Variants in FKBP5 observed in about 807,000 individuals in gnomAD.
The protein encoded by FKBP5 is peptidyl-prolyl cis-trans isomerase FKBP5.
FKBP5 carries 23 observed loss-of-function variants against 50.5 expected under a neutral mutation model. The observed-to-expected ratio is 0.46, with a 90% CI of 0.33 to 0.65. FKBP5 has a LOEUF of 0.65. FKBP5 is among the 30% of genes least tolerant of loss of function. The probability of loss-of-function intolerance (pLI) is 0.02; values close to 1 mark genes in which losing one functional copy is unlikely to be tolerated. For synonymous variants in FKBP5, 176 were observed against 190.6 expected, an observed-to-expected ratio of 0.92 and a Z score of 0.63; for missense variants, 411 against 553.1, an observed-to-expected ratio of 0.74 and a Z score of 2.58.
At chr6:35,657,640 T>C (rs1285628348) in intron 1 of FKBP5, among the ~76,000 whole-genome samples, 1 of 152,156 alleles carries the variant, frequency 6.6e-6, no homozygotes, top group African/African-American at 2.4e-5. Context: ...TTCTGCCCTA[T>C]AAGGTAACAT....
At chr6:35,725,060 A>G (rs533873187) in intron 1 of FKBP5, among the ~76,000 whole-genome samples, 66 of 152,322 alleles carry the variant, frequency 4.3e-4, no homozygotes, top group Middle Eastern at 6.8e-3. Flanking sequence ...CAATGTGAAT[A>G]ATAATATCCC....
chr6:35,683,115 C>CGTGTGT (rs1191313976), intron 1 of FKBP5, among the ~76,000 whole-genome samples: 3 of 56,196 alleles, frequency 5.3e-5, no homozygotes, highest in Non-Finnish European at 1.2e-4. Flanking sequence ...TATATATATA[C>CGTGTGT]GTATATGTGT....
chr6:35,598,983 TA>T (rs1561850994), intron 5 of FKBP5, among the ~76,000 whole-genome samples: 2 of 151,484 alleles, frequency 1.3e-5, no homozygotes, highest in African/African-American at 4.9e-5. Context: ...TCAAAATAAA[TA>T]AAAAAATAAA....
At chr6:35,653,758 CA>C (rs1415882283) in intron 1 of FKBP5, among the ~76,000 whole-genome samples, 1 of 151,644 alleles carries the variant, frequency 6.6e-6, no homozygotes, top group Non-Finnish European at 1.5e-5. Context: ...TGACAGAAGC[CA>C]AAATAAAAGA....
At chr6:35,640,950 C>T (rs1193377056) in intron 2 of FKBP5, among the ~76,000 whole-genome samples, 1 of 152,020 alleles carries the variant, frequency 6.6e-6, no homozygotes, top group Non-Finnish European at 1.5e-5. Flanking sequence ...TCTTGAATAC[C>T]TCCTGAGGGA....
intron 7 of FKBP5, among the ~76,000 whole-genome samples, chr6:35,589,094 A>T (rs1301087790): frequency 1.7e-5 from 2 of 115,442 alleles, no homozygotes; most frequent in African/African-American, 8.5e-5. Flanking sequence ...ATATATTTTT[A>T]TATATATATA....
chr6:35,651,867 G>C lies in FKBP5; in HGVS notation c.-19-9024C>G. On this transcript the variant is annotated intron_variant, in intron 1 of 10. Coordinates refer to ENST00000357266, the MANE Select transcript of FKBP5 (RefSeq NM_004117.4). ...ACTTGTGGACAAAGACTTATGGTTA[G>C]GTGCAAAAAATAAATCCTCTTTTGC... is the stretch of plus-strand genomic sequence containing the variant. The C allele has an allele frequency of 7.3e-6, 8 of 1,097,492 alleles. No individual in the cohort carries two copies. The South Asian group carries it at 1.2e-4, about 17-fold the overall frequency. The allele number at this position is 1,097,492 out of a possible 1,614,324, so 68.0% of individuals were successfully genotyped here.
At chr6:35,709,086 G>C (rs1251543591) in intron 2 of FKBP5, among the ~76,000 whole-genome samples, 1 of 152,186 alleles carries the variant, frequency 6.6e-6, no homozygotes. Flanking sequence ...GACTGGGCAA[G>C]TTACTAAAGA....
At chr6:35,587,667 T>C (rs1432992618) in intron 7 of FKBP5, among the ~76,000 whole-genome samples, 1 of 152,234 alleles carries the variant, frequency 6.6e-6, no homozygotes, top group Non-Finnish European at 1.5e-5. Flanking sequence ...TGGGGGGGAC[T>C]TCAAGCAAAA....
rs901757776 is a variant in FKBP5, at chr6:35,574,747, A to AT, written c.*1087dup. The AT allele has an allele frequency of 6.6e-6, 1 of 152,566 alleles. No homozygotes were observed. Among genetic ancestry groups the AT allele is most frequent in the African/African-American group, 2.4e-5 (1 of 41,436 alleles). The allele number at this position is 152,566 out of a possible 1,614,324, so 9.5% of individuals were successfully genotyped here. A position where few individuals can be genotyped will look rare whatever the true frequency, so the allele number is the denominator to read the frequency against. On this transcript the variant is annotated 3_prime_UTR_variant, in exon 11 of 11. Coordinates refer to ENST00000357266, the MANE Select transcript of FKBP5 (RefSeq NM_004117.4). ...TTAAGCTTAGTACTAAAAAGTCAAA[A>AT]TTTTTTTGCATGATAGAGGAGTGTA...
In FKBP5 at chr6:35,688,796, G is replaced by C. The variant is rs1765916056; in HGVS notation, c.-20+8C>G. On this transcript the variant is annotated splice_region_variant and intron_variant, in intron 1 of 10. Transcript: ENST00000357266. ...GCCGCCCCATCTCCGTGGCCATGGC[G>C]CCGGTACCTGTCGCCGCGGGGGCTC... 6.6e-6 allele frequency: 1 copy of C among 150,850 alleles called. No homozygotes were observed. The highest frequency in any genetic ancestry group is 2.1e-4 in the South Asian group (1 of 4,832). The allele number at this position is 150,850 out of a possible 1,614,324, so 9.3% of individuals were successfully genotyped here. A position where few individuals can be genotyped will look rare whatever the true frequency, so the allele number is the denominator to read the frequency against.
At chr6:35,639,472 T>C (rs1050346640) in intron 2 of FKBP5, among the ~76,000 whole-genome samples, 3 of 152,032 alleles carry the variant, frequency 2.0e-5, no homozygotes, top group South Asian at 2.1e-4. Context: ...CAGAACAGGG[T>C]CTGAGGCAAG....
intron 2 of FKBP5, among the ~76,000 whole-genome samples, chr6:35,709,800 A>C (rs1766383293): frequency 6.6e-6 from 1 of 152,182 alleles, no homozygotes; most frequent in Non-Finnish European, 1.5e-5. Context: ...CAATATGTTG[A>C]ACATACACTT....
At chr6:35,608,938 T>A (rs1434380937) in intron 5 of FKBP5, among the ~76,000 whole-genome samples, 1 of 152,084 alleles carries the variant, frequency 6.6e-6, no homozygotes, top group African/African-American at 2.4e-5. Context: ...GCTGGGATTA[T>A]AGGCATGTGC....
chr6:35,684,697 T>A (rs574630990), intron 1 of FKBP5, among the ~76,000 whole-genome samples: 3 of 152,250 alleles, frequency 2.0e-5, no homozygotes, highest in Admixed American at 2.0e-4. Context: ...CTCCCTCTGG[T>A]GGACCTTCAC....
chr6:35,710,319 C>T (rs1766391732), intron 2 of FKBP5, among the ~76,000 whole-genome samples: 1 of 151,994 alleles, frequency 6.6e-6, no homozygotes, highest in South Asian at 2.1e-4. Flanking sequence ...CTCTACAAAA[C>T]ATAAAACAAT....
At chr6:35,654,125 C>T (rs1015475727) in intron 1 of FKBP5, among the ~76,000 whole-genome samples, 7 of 152,152 alleles carry the variant, frequency 4.6e-5, no homozygotes, top group African/African-American at 1.7e-4. Flanking sequence ...ACATGTGATA[C>T]AAACAGTGTG....
intron 3 of FKBP5, among the ~76,000 whole-genome samples, chr6:35,628,979 A>T (rs140278394): frequency 6.6e-6 from 1 of 152,208 alleles, no homozygotes; most frequent in African/African-American, 2.4e-5. Context: ...GGCCTCCCAA[A>T]GTGCCGGGAT....
intron 1 of FKBP5, among the ~76,000 whole-genome samples, chr6:35,656,603 A>C (rs951531626): frequency 1.3e-5 from 2 of 152,172 alleles, no homozygotes; most frequent in African/African-American, 2.4e-5. Flanking sequence ...AAATTACCAC[A>C]AACAGGCTGG....
Sources: gnomAD v4.1 joint callset for allele counts (sites outside exome capture counted in the v4.1 genomes callset) on GRCh38, gnomAD v4.1.1 for gene constraint, MANE v1.5 for transcripts, NCBI Gene and HGNC (gene_info 2026-07-23, HGNC 2026-07-21) for gene names.